The following COL4A3 variants were observed in gnomAD, a reference collection of about 807,000 sequenced individuals.
The protein encoded by COL4A3 is collagen type IV alpha 3 chain.
COL4A3 carries 135 observed loss-of-function variants against 217.4 expected under a neutral mutation model. The ratio of observed to expected loss-of-function variants is 0.62; its 90% confidence interval spans 0.54 to 0.72. The LOEUF (loss-of-function observed/expected upper bound fraction) is 0.72. COL4A3 is among the 30% of genes least tolerant of loss of function. The pLI, the probability that COL4A3 is intolerant of heterozygous loss-of-function variation, is 0.00. For missense variants in COL4A3, 1,868 were observed against 2,119.9 expected (o/e 0.88, Z 2.33); for synonymous variants, 690 against 736.3 (o/e 0.94, Z 1.02).
At chr2:227,298,899 T>C in intron 43 of COL4A3, 87 bp downstream of exon 43, 1 of 1,241,962 alleles carries the variant, frequency 8.1e-7, no homozygotes, top group Non-Finnish European at 1.1e-6. Flanking sequence ...CATATATTGT[T>C]GATGTTAACT....
chr2:227,243,423 G>C (rs570620052), intron 3 of COL4A3, among the ~76,000 whole-genome samples: 106 of 152,286 alleles, frequency 7.0e-4, no homozygotes, highest in African/African-American at 2.5e-3. Flanking sequence ...TTTACAATGA[G>C]AAAGTAAAAC....
chr2:227,253,323 C>T lies in COL4A3; in HGVS notation c.673C>T (p.His225Tyr). Residue 225 changes from histidine to tyrosine, a missense_variant, in exon 12 of 52, where the codon CAT becomes TAT. His to Tyr is a moderately conservative substitution (Grantham distance 83). Transcript: ENST00000396578. The surrounding 1 kb of genome is among the most constrained non-coding windows in gnomAD (Gnocchi z 4.4). ...KGHMGERVIG[H>Y]KGERGVKGLT... ...TCACATGGGTGAAAGAGTGATAGGACATAAAGGAGAGCGGGTAATTTAAAT... is the reference window on the plus strand; with the variant it reads ...TCACATGGGTGAAAGAGTGATAGGATATAAAGGAGAGCGGGTAATTTAAAT... 6.2e-7 allele frequency: 1 copy of T among 1,613,702 alleles called. No homozygotes were observed. Among genetic ancestry groups the T allele is most frequent in the Non-Finnish European group, 8.5e-7 (1 of 1,179,660 alleles).
At chr2:227,272,618 T>A (rs993890804) in intron 25 of COL4A3, among the ~76,000 whole-genome samples, 5 of 152,236 alleles carry the variant, frequency 3.3e-5, no homozygotes, top group Non-Finnish European at 7.3e-5. Flanking sequence ...AACATTATCA[T>A]GAATATCACC....
In COL4A3 at chr2:227,250,185, C is replaced by T. The variant is rs552733608; in HGVS notation, c.547-955C>T. 4.6e-5 allele frequency among the ~76,000 whole-genome samples: 7 copies of T among 152,064 alleles called. No individual in the cohort carries two copies. The highest frequency in any genetic ancestry group is 5.9e-5 in the Non-Finnish European group (4 of 67,978). Reference sequence around the variant, plus strand: ...AAAATTAGCCAGGTGTGGTGGCGTGCGCCTGTAGTTCCAGCTACTTGGGAG... The same window carrying T: ...AAAATTAGCCAGGTGTGGTGGCGTGTGCCTGTAGTTCCAGCTACTTGGGAG... On this transcript the variant is annotated intron_variant, in intron 9 of 51. Transcript: ENST00000396578. This position sits in a 1 kb window ranked among gnomAD's most constrained non-coding sequence, Gnocchi z 4.1.
chr2:227,302,297 C>T (rs964711877), intron 43 of COL4A3, among the ~76,000 whole-genome samples: 1 of 152,216 alleles, frequency 6.6e-6, no homozygotes, highest in Non-Finnish European at 1.5e-5. Context: ...ATTTATGGCT[C>T]TGCTAGCTTA....
intron 7 of COL4A3, 35 bp from the exon 8 acceptor site, chr2:227,247,523 T>C: frequency 6.2e-7 from 1 of 1,611,190 alleles, no homozygotes; most frequent in South Asian, 1.1e-5. Flanking sequence ...GCGTTTGATA[T>C]TCCTCTAGTT....
chr2:227,166,434 T>C (rs1171638386), intron 1 of COL4A3, among the ~76,000 whole-genome samples: 3 of 152,184 alleles, frequency 2.0e-5, no homozygotes, highest in Admixed American at 6.5e-5. Flanking sequence ...TGCACATGTT[T>C]CTGAATTTAG....
At chr2:227,208,765 T>TACACACACACAC (rs60244094) in intron 1 of COL4A3, among the ~76,000 whole-genome samples, 149 of 138,578 alleles carry the variant, frequency 1.1e-3, no homozygotes, top group African/African-American at 3.3e-3. Flanking sequence ...GGCGGTTGGT[T>TACACACACACAC]ACACACACAC....
chr2:227,304,214 G>A, intron 46 of COL4A3, 70 bp downstream of exon 46: 1 of 1,582,432 alleles, frequency 6.3e-7, no homozygotes, highest in Non-Finnish European at 8.7e-7. Flanking sequence ...AAACTGCTTT[G>A]GAAACAGCTG....
At position 227,195,993 on chromosome 2, in the gene COL4A3, A is replaced by G. The variant is rs1408313761; in HGVS notation, c.87+31180A>G. On this transcript the variant is annotated intron_variant, in intron 1 of 51. Coordinates refer to ENST00000396578, the MANE Select transcript of COL4A3 (RefSeq NM_000091.5). ...GCTTATAGAATAAGGATAAAGAGAA[A>G]GAAAATATTTCTGTACAGCTAGCTG... 2.0e-5 allele frequency among the ~76,000 whole-genome samples: 3 copies of G among 152,296 alleles called. No homozygotes were observed. The East Asian group carries it at 5.8e-4, about 29-fold the overall frequency.
At chr2:227,218,633 C>T (rs1342602923) in intron 1 of COL4A3, among the ~76,000 whole-genome samples, 1 of 152,138 alleles carries the variant, frequency 6.6e-6, no homozygotes, top group Non-Finnish European at 1.5e-5. Flanking sequence ...GGTGTCTGCT[C>T]TGTTGATCCA....
chr2:227,222,808 G>A (rs760756618), intron 1 of COL4A3, among the ~76,000 whole-genome samples: 4 of 152,100 alleles, frequency 2.6e-5, no homozygotes, highest in Non-Finnish European at 5.9e-5. Context: ...GGGTCTCAGC[G>A]GGCAGGAATC....
rs2066232612 is a variant in COL4A3 at position 227,191,348 on chromosome 2, G to T, written c.87+26535G>T. 6.6e-6 allele frequency among the ~76,000 whole-genome samples: 1 copy of T among 152,034 alleles called. No individual in the cohort carries two copies. The highest frequency in any genetic ancestry group is 1.5e-5 in the Non-Finnish European group (1 of 67,998). ...GGCATATACAAAAGACCTATTTTCT[G>T]AATTCAGACTTTAGGCAAAAACAAA... On this transcript the variant is annotated intron_variant, in intron 1 of 51. Coordinates refer to ENST00000396578, the MANE Select transcript of COL4A3 (RefSeq NM_000091.5). This position sits in a 1 kb window ranked among gnomAD's most constrained non-coding sequence, Gnocchi z 6.8.
Position 227,307,818 on chromosome 2 carries a change from C to T in COL4A3, c.4361C>T (p.Thr1454Ile). The change falls in exon 48 of 52, where the codon ACC becomes ATC. Residue 1454 changes from threonine to isoleucine, a missense_variant. Physicochemically the swap from Thr to Ile is moderately conservative, Grantham distance 89 (BLOSUM62 -1). Around this residue, in one of 2 missense-constraint regions of COL4A3, gnomAD observed 1,503 missense variants for 1,786.1 expected, o/e 0.84. Coordinates refer to ENST00000396578, the MANE Select transcript of COL4A3 (RefSeq NM_000091.5). ...TTTGTCTTCACCCGACACAGTCAAA[C>T]CACAGCAATTCCTTCATGTCCAGAG... is the stretch of plus-strand genomic sequence containing the variant. Reference protein sequence around the residue: ...RGFVFTRHSQTTAIPSCPEGT... With the variant: ...RGFVFTRHSQITAIPSCPEGT... 6.2e-7 allele frequency: 1 copy of T among 1,614,174 alleles called. No individual in the cohort carries two copies. Among genetic ancestry groups the T allele is most frequent in the Admixed American group, 1.7e-5 (1 of 60,016 alleles).
chr2:227,277,036 T>C (rs1044892608), intron 27 of COL4A3, among the ~76,000 whole-genome samples: 4 of 152,096 alleles, frequency 2.6e-5, no homozygotes, highest in Non-Finnish European at 5.9e-5. Context: ...AAATTTTTTC[T>C]TGGCCGGGCA....
intron 1 of COL4A3, among the ~76,000 whole-genome samples, chr2:227,186,778 G>C (rs998623221): frequency 5.3e-5 from 8 of 151,612 alleles, no homozygotes; most frequent in Non-Finnish European, 1.2e-4. Context: ...TGTTTAGGTT[G>C]CTCTACTAAA....
intron 1 of COL4A3, among the ~76,000 whole-genome samples, chr2:227,193,432 G>A (rs1362702996): frequency 6.6e-6 from 1 of 152,158 alleles, no homozygotes; most frequent in African/African-American, 2.4e-5. Context: ...ATAAAATCCT[G>A]GCTGGGCACG....
In COL4A3 at chr2:227,294,515, G is replaced by C. The variant is rs372694554; in HGVS notation, c.3363G>C (p.Leu1121Phe). 8.7e-6 allele frequency: 14 copies of C among 1,613,448 alleles called. No homozygotes were observed. The highest frequency in any genetic ancestry group is 1.6e-4 in the Middle Eastern group (1 of 6,062). Reference protein sequence around the residue: ...LPGKPGPHGDLGFKGIKGLLG... With the variant: ...LPGKPGPHGDFGFKGIKGLLG... ...GAAAGCCAGGTCCTCATGGTGATTT[G>C]GGTTTTAAAGGAATCAAAGGCCTCC... The change falls in exon 39 of 52, where the codon TTG becomes TTC. Residue 1121 changes from leucine (L) to phenylalanine (F), a missense_variant. Leu to Phe is a conservative substitution (Grantham distance 22). This residue lies in a region of COL4A3 where 1,503 missense variants were observed against 1,786.1 expected (regional missense o/e 0.84). Transcript: ENST00000396578.
In COL4A3 at chr2:227,253,463, T is replaced by C. The variant is rs1447314332; in HGVS notation, c.688-98T>C. On this transcript the variant is annotated intron_variant, in intron 12 of 51. Transcript: ENST00000396578. The surrounding 1 kb of genome is among the most constrained non-coding windows in gnomAD (Gnocchi z 4.4). ...CCTTCATTTGTTCTATCTTCCCGTATAAGCACTAAAGGGGAAAAGTAGACC... is the reference window on the plus strand; with the variant it reads ...CCTTCATTTGTTCTATCTTCCCGTACAAGCACTAAAGGGGAAAAGTAGACC... 2 of 1,413,206 alleles carry C rather than the reference T, an allele frequency of 1.4e-6. No individual in the cohort carries two copies. The highest frequency in any genetic ancestry group is 1.0e-6 in the Non-Finnish European group (1 of 996,850). 87.5% of individuals were successfully genotyped at this position (1,413,206 alleles called of 1,614,324 possible). A position where few individuals can be genotyped will look rare whatever the true frequency, so the allele number is the denominator to read the frequency against.
Sources: allele counts gnomAD v4.1 joint callset (sites outside exome capture counted in the v4.1 genomes callset), GRCh38; gene constraint gnomAD v4.1.1; regional missense constraint gnomAD v4.1.1; non-coding constraint Gnocchi (gnomAD v3.1); transcripts MANE v1.5; gene names NCBI Gene and HGNC (gene_info 2026-07-23, HGNC 2026-07-21).